The following FBN2 variants were observed in gnomAD, a reference collection of about 807,000 sequenced individuals.
The protein encoded by FBN2 is fibrillin-2.
FBN2 carries 105 observed loss-of-function variants against 355.6 expected under a neutral mutation model. The observed-to-expected ratio is 0.30, with a 90% CI of 0.25 to 0.35. FBN2 has a LOEUF of 0.35. FBN2 is among the 10% of genes least tolerant of loss of function. The probability of loss-of-function intolerance (pLI) is 1.00; values close to 1 mark genes in which losing one functional copy is unlikely to be tolerated. For missense variants in FBN2, 3,280 were observed against 3,758.7 expected, an observed-to-expected ratio of 0.87 and a Z score of 3.33; for synonymous variants, 1,350 against 1,301.2, an observed-to-expected ratio of 1.04 and a Z score of -0.81.
chr5:128,480,810 T>G (rs942372012), intron 5 of FBN2, among the ~76,000 whole-genome samples: 2 of 152,202 alleles, frequency 1.3e-5, no homozygotes, highest in African/African-American at 4.8e-5. Context: ...TGAAGAACTC[T>G]CTGGTTTTCC....
intron 21 of FBN2, among the ~76,000 whole-genome samples, chr5:128,350,397 A>C (rs1339459663): frequency 6.6e-6 from 1 of 152,160 alleles, no homozygotes; most frequent in African/African-American, 2.4e-5. Flanking sequence ...CTAAAAATAC[A>C]AAAATTAGCT....
At chr5:128,307,011 C>A in intron 42 of FBN2, 124 bp downstream of exon 42, 1 of 705,702 alleles carries the variant, frequency 1.4e-6, no homozygotes. Context: ...TCTTATCTAA[C>A]TATATTAGAT....
intron 48 of FBN2, among the ~76,000 whole-genome samples, chr5:128,292,969 C>A (rs1749370260): frequency 6.6e-6 from 1 of 152,124 alleles, no homozygotes; most frequent in Non-Finnish European, 1.5e-5. Context: ...GGTTTATTTA[C>A]AAAATAGGTC....
intron 23 of FBN2, 131 bp from the exon 24 acceptor site, chr5:128,345,715 C>A: frequency 1.3e-6 from 1 of 761,528 alleles, no homozygotes. Context: ...AGATGCAGTC[C>A]CTGACCTCCT....
At chr5:128,531,704 G>A (rs996583018) in intron 2 of FBN2, among the ~76,000 whole-genome samples, 4 of 142,854 alleles carry the variant, frequency 2.8e-5, no homozygotes, top group African/African-American at 5.5e-5. Flanking sequence ...ATATATAAGT[G>A]TATATATATG....
At chr5:128,283,557 TG>T (rs1264103182) in intron 55 of FBN2, among the ~76,000 whole-genome samples, 1 of 152,238 alleles carries the variant, frequency 6.6e-6, no homozygotes, top group Non-Finnish European at 1.5e-5. Flanking sequence ...CTCTAAATAT[TG>T]GAACAACCAG....
chr5:128,464,599 A>G, intron 6 of FBN2, 125 bp downstream of exon 6: 1 of 1,017,914 alleles, frequency 9.8e-7, no homozygotes, highest in South Asian at 1.3e-5. Flanking sequence ...CAGGGTTGTT[A>G]ACGAGGCCAC....
chr5:128,494,709 T>TG lies in FBN2; in HGVS notation c.628+24563dup, dbSNP rs1325160790. On this transcript the variant is annotated intron_variant, in intron 5 of 64. Transcript: ENST00000262464. ...GGGCACATGTTCAAGACTGTGCCTC[T>TG]GGGGGGCAGCATGAAAGGCTTTCCA... is the stretch of plus-strand genomic sequence containing the variant. Among the ~76,000 whole-genome samples, 6 of 152,242 alleles carry TG rather than the reference T, an allele frequency of 3.9e-5. No homozygotes were observed. In the South Asian group the frequency reaches 1.0e-3, roughly 26 times the overall value.
rs778678873 is a variant in FBN2, at chr5:128,306,713, G to T, written c.5422+422C>A. Among the ~76,000 whole-genome samples, 9 of 152,096 alleles carry T rather than the reference G, an allele frequency of 5.9e-5. No individual in the cohort carries two copies. The South Asian group carries it at 8.3e-4, about 14-fold the overall frequency. Reference sequence around the variant, plus strand: ...ACATTTAGAAGGAATTAATTAATATGAAAAATAAGTCTGCACATTCATATT... The same window carrying T: ...ACATTTAGAAGGAATTAATTAATATTAAAAATAAGTCTGCACATTCATATT... On this transcript the variant is annotated intron_variant, in intron 42 of 64. Coordinates refer to ENST00000262464, the MANE Select transcript of FBN2 (RefSeq NM_001999.4).
At chr5:128,501,215 A>G (rs1225362102) in intron 5 of FBN2, among the ~76,000 whole-genome samples, 1 of 152,212 alleles carries the variant, frequency 6.6e-6, no homozygotes, top group East Asian at 1.9e-4. Context: ...GAATACTTCC[A>G]TGACAAGAGG....
intron 17 of FBN2, chr5:128,365,525 A>G (rs1233733356): frequency 6.6e-6 from 1 of 152,052 alleles, no homozygotes; most frequent in African/African-American, 2.4e-5. Context: ...ACTTGGGAAA[A>G]ACATCCTTTT....
Position 128,424,911 on chromosome 5 carries a change from C to T in FBN2, c.953-16112G>A, listed in dbSNP as rs560324692. Among the ~76,000 whole-genome samples the T allele has an allele frequency of 4.3e-4, 65 of 152,120 alleles. No homozygotes were observed. The South Asian group carries it at 4.4e-3, about 10-fold the overall frequency. ...ACATAAAAGTTACTGATAACATAGT[C>T]AAACAATATGAGTTTGAATATTTGG... On this transcript the variant is annotated intron_variant, in intron 7 of 64. Transcript: ENST00000262464.
chr5:128,309,179 C>CTATACTGTTA, intron 41 of FBN2, 68 bp downstream of exon 41: 1 of 1,542,408 alleles, frequency 6.5e-7, no homozygotes. Context: ...GTGACTTTGA[C>CTATACTGTTA]TATACTGTTA....
chr5:128,423,621 T>C (rs529832660), intron 7 of FBN2, among the ~76,000 whole-genome samples: 2 of 152,280 alleles, frequency 1.3e-5, no homozygotes, highest in Admixed American at 6.5e-5. Context: ...GCATAATTTA[T>C]TGAAGGAACT....
At chr5:128,497,487 T>C (rs1300742339) in intron 5 of FBN2, among the ~76,000 whole-genome samples, 1 of 152,202 alleles carries the variant, frequency 6.6e-6, no homozygotes, top group Admixed American at 6.5e-5. Flanking sequence ...GGGATTTGCT[T>C]TGTTGTCATC....
chr5:128,507,094 T>C (rs1755983256), intron 5 of FBN2, among the ~76,000 whole-genome samples: 1 of 152,060 alleles, frequency 6.6e-6, no homozygotes, highest in South Asian at 2.1e-4. Context: ...ACAGAAGCAG[T>C]TGGGAAGTTT....
At chr5:128,280,069 G>A (rs1443176561) in intron 56 of FBN2, 123 bp downstream of exon 56, 4 of 777,696 alleles carry the variant, frequency 5.1e-6, no homozygotes, top group African/African-American at 1.7e-5. Context: ...GAAGAAGCAT[G>A]TGGATTATTG....
intron 7 of FBN2, among the ~76,000 whole-genome samples, chr5:128,435,035 G>A (rs1753739486): frequency 1.3e-5 from 2 of 151,934 alleles, no homozygotes; most frequent in Admixed American, 6.6e-5. Context: ...TTTAAAAAAA[G>A]AATTTAAACA....
At chr5:128,446,753 G>C in intron 6 of FBN2, 147 bp from the exon 7 acceptor site, 1 of 656,518 alleles carries the variant, frequency 1.5e-6, no homozygotes, top group Non-Finnish European at 2.6e-6. Flanking sequence ...AAACACCTTT[G>C]TATGCATATG....
Sources: gnomAD v4.1 joint callset for allele counts (sites outside exome capture counted in the v4.1 genomes callset) on GRCh38, gnomAD v4.1.1 for gene constraint, MANE v1.5 for transcripts, NCBI Gene and HGNC (gene_info 2026-07-23, HGNC 2026-07-21) for gene names.